Variants in DCC observed in about 807,000 individuals in gnomAD.
DCC encodes netrin receptor DCC.
DCC carries 58 observed loss-of-function variants against 172.5 expected under a neutral mutation model. The ratio of observed to expected loss-of-function variants is 0.34; its 90% confidence interval spans 0.27 to 0.42. The LOEUF (loss-of-function observed/expected upper bound fraction) is 0.42. Ranked by LOEUF, DCC falls within the 10% of genes least tolerant of loss-of-function variation. DCC has a pLI of 1.00. For missense variants in DCC, 1,740 were observed against 1,791.0 expected (o/e 0.97, Z 0.51); for synonymous variants, 709 against 644.5 (o/e 1.10, Z -1.52).
intron 5 of DCC, among the ~76,000 whole-genome samples, chr18:52,961,404 G>A (rs74642725): frequency 1.5e-4 from 23 of 152,158 alleles, no homozygotes; most frequent in Admixed American, 1.3e-3. Flanking sequence ...GGATGAAACA[G>A]CAACGATGAT....
At chr18:52,794,269 A>G (rs1485139926) in intron 2 of DCC, among the ~76,000 whole-genome samples, 4 of 152,068 alleles carry the variant, frequency 2.6e-5, no homozygotes, top group African/African-American at 4.8e-5. Flanking sequence ...GCTATTTTAA[A>G]ATATTGATTC....
intron 2 of DCC, among the ~76,000 whole-genome samples, chr18:52,871,317 A>G (rs575437836): frequency 6.6e-6 from 1 of 150,566 alleles, no homozygotes; most frequent in South Asian, 2.1e-4. Context: ...GAGAAAGAAC[A>G]GTGTCTTTTT....
At chr18:53,390,700 GATT>G (rs1487140053) in intron 16 of DCC, among the ~76,000 whole-genome samples, 1 of 152,128 alleles carries the variant, frequency 6.6e-6, no homozygotes, top group Non-Finnish European at 1.5e-5. Flanking sequence ...GCATAAACAT[GATT>G]ACAAGGTGTT....
At chr18:52,495,100 C>T (rs1023005882) in intron 1 of DCC, among the ~76,000 whole-genome samples, 1 of 152,032 alleles carries the variant, frequency 6.6e-6, no homozygotes, top group Non-Finnish European at 1.5e-5. Flanking sequence ...ATCAACTGGG[C>T]CCCTCCCCTG....
At chr18:53,308,807 G>T (rs1408453559) in intron 13 of DCC, among the ~76,000 whole-genome samples, 1 of 152,138 alleles carries the variant, frequency 6.6e-6, no homozygotes, top group Non-Finnish European at 1.5e-5. Context: ...TTCGTAACTT[G>T]AAAGAATAGA....
intron 8 of DCC, among the ~76,000 whole-genome samples, chr18:53,169,997 T>C (rs1202926170): frequency 6.6e-6 from 1 of 152,138 alleles, no homozygotes; most frequent in African/African-American, 2.4e-5. Flanking sequence ...TGGGAAATGG[T>C]TTGCTATATT....
intron 1 of DCC, among the ~76,000 whole-genome samples, chr18:52,514,503 G>T (rs139629671): frequency 6.6e-6 from 1 of 152,154 alleles, no homozygotes; most frequent in Non-Finnish European, 1.5e-5. Context: ...TCCCCTATGG[G>T]GAATAAAAAT....
intron 5 of DCC, among the ~76,000 whole-genome samples, chr18:53,024,370 C>G (rs536630215): frequency 2.6e-4 from 39 of 152,214 alleles, no homozygotes; most frequent in Non-Finnish European, 8.8e-5. Context: ...TTGTTTGCCT[C>G]CCTTGCAATC....
chr18:53,221,789 C>T (rs1403971670), intron 12 of DCC, among the ~76,000 whole-genome samples: 1 of 152,168 alleles, frequency 6.6e-6, no homozygotes, highest in Non-Finnish European at 1.5e-5. Context: ...CTTAATGAAT[C>T]AGTGGTCAAG....
At chr18:53,504,164 A>G (rs757996672) in intron 27 of DCC, among the ~76,000 whole-genome samples, 10 of 152,194 alleles carry the variant, frequency 6.6e-5, no homozygotes, top group Non-Finnish European at 2.9e-5. Context: ...GCCTTATTTC[A>G]GTAAATCTGC....
intron 1 of DCC, among the ~76,000 whole-genome samples, chr18:52,647,662 T>TA (rs2035044228): frequency 6.6e-6 from 1 of 152,234 alleles, no homozygotes; most frequent in Non-Finnish European, 1.5e-5. Context: ...ACAAAAATGC[T>TA]AAAAATATAA....
intron 15 of DCC, among the ~76,000 whole-genome samples, chr18:53,378,880 G>A (rs950100014): frequency 1.8e-4 from 27 of 148,314 alleles, no homozygotes; most frequent in Admixed American, 1.4e-3. Flanking sequence ...AGTATTTCTA[G>A]AAAAGAAAAA....
intron 1 of DCC, among the ~76,000 whole-genome samples, chr18:52,415,333 A>G (rs891919436): frequency 3.9e-5 from 6 of 152,162 alleles, no homozygotes; most frequent in African/African-American, 1.4e-4. Flanking sequence ...GTGGCGAGAC[A>G]CTCTGGAAAG....
chr18:53,120,376 T>A (rs2144285902), intron 7 of DCC, among the ~76,000 whole-genome samples: 1 of 151,906 alleles, frequency 6.6e-6, no homozygotes, highest in African/African-American at 2.4e-5. Flanking sequence ...TTTCATATAT[T>A]AGACAATTTG....
chr18:53,023,937 G>A (rs2041920423), intron 5 of DCC, among the ~76,000 whole-genome samples: 1 of 151,956 alleles, frequency 6.6e-6, no homozygotes, highest in African/African-American at 2.4e-5. Flanking sequence ...TCTATTATCT[G>A]GAAAATTTAG....
intron 12 of DCC, among the ~76,000 whole-genome samples, chr18:53,221,140 A>C (rs1367701256): frequency 6.6e-6 from 1 of 152,070 alleles, no homozygotes; most frequent in East Asian, 1.9e-4. Flanking sequence ...ACTTTATATA[A>C]AATTTACCAT....
At chr18:53,185,861 A>T (rs1373881717) in intron 9 of DCC, among the ~76,000 whole-genome samples, 1 of 152,230 alleles carries the variant, frequency 6.6e-6, no homozygotes, top group Non-Finnish European at 1.5e-5. Flanking sequence ...AAAGTTAATT[A>T]TGTGCTAAAA....
intron 14 of DCC, among the ~76,000 whole-genome samples, chr18:53,324,781 T>A (rs2057449287): frequency 6.6e-6 from 1 of 152,206 alleles, no homozygotes; most frequent in Admixed American, 6.6e-5. Context: ...TTTAACTTAT[T>A]TACCTAAGAA....
At chr18:53,258,083 G>A (rs141814757) in intron 12 of DCC, among the ~76,000 whole-genome samples, 3 of 151,942 alleles carry the variant, frequency 2.0e-5, no homozygotes, top group African/African-American at 4.8e-5. Context: ...TTTCTTGCAT[G>A]TATTTGATTC....
Sources: gnomAD v4.1 joint callset for allele counts (sites outside exome capture counted in the v4.1 genomes callset) on GRCh38, gnomAD v4.1.1 for gene constraint, MANE v1.5 for transcripts, NCBI Gene and HGNC (gene_info 2026-07-23, HGNC 2026-07-21) for gene names.